The following THSD7B variants were observed in gnomAD, a reference collection of about 807,000 sequenced individuals.
THSD7B encodes thrombospondin type-1 domain-containing protein 7B.
A neutral mutation model predicts 213.6 loss-of-function variants in THSD7B; 138 were observed. That is an observed-to-expected ratio of 0.65 (90% confidence interval 0.56 to 0.74). The LOEUF (loss-of-function observed/expected upper bound fraction) is 0.74. Ranked by LOEUF, THSD7B falls within the 30% of genes least tolerant of loss-of-function variation. The pLI, the probability that THSD7B is intolerant of heterozygous loss-of-function variation, is 0.00. For missense variants in THSD7B, 1,931 were observed against 1,991.5 expected (o/e 0.97, Z 0.58); for synonymous variants, 742 against 687.0 (o/e 1.08, Z -1.25).
intron 2 of THSD7B, among the ~76,000 whole-genome samples, chr2:136,928,337 G>T (rs1684574799): frequency 6.6e-6 from 1 of 152,150 alleles, no homozygotes; most frequent in Non-Finnish European, 1.5e-5. Context: ...TTTCTACTAA[G>T]CACATATGGC....
intron 1 of THSD7B, among the ~76,000 whole-genome samples, chr2:136,850,524 G>A (rs1031450624): frequency 2.0e-5 from 3 of 151,916 alleles, no homozygotes; most frequent in Admixed American, 2.0e-4. Context: ...ACCATTAGCA[G>A]CTTGTAAGAG....
chr2:137,156,915 G>A (rs1679921629), intron 5 of THSD7B, among the ~76,000 whole-genome samples: 1 of 152,162 alleles, frequency 6.6e-6, no homozygotes, highest in South Asian at 2.1e-4. Flanking sequence ...GGGGCTTAGA[G>A]TATCTTCTTA....
rs533947232 is a variant in THSD7B, at chr2:137,079,834, T to C, written c.951-15039T>C. 2.0e-5 allele frequency among the ~76,000 whole-genome samples: 3 copies of C among 152,270 alleles called. No homozygotes were observed. In the South Asian group the frequency reaches 6.2e-4, roughly 32 times the overall value. On this transcript the variant is annotated intron_variant, in intron 3 of 27. Transcript: ENST00000409968. ...GGTGGATACATTTGGCTATTTTGTTTTTTTGTTTGTTTGTTTGTGTTCTGG... is the reference window on the plus strand; with the variant it reads ...GGTGGATACATTTGGCTATTTTGTTCTTTTGTTTGTTTGTTTGTGTTCTGG...
chr2:136,916,351 A>G (rs1273466820), intron 2 of THSD7B, among the ~76,000 whole-genome samples: 3 of 152,192 alleles, frequency 2.0e-5, no homozygotes, highest in Non-Finnish European at 4.4e-5. Context: ...TGGTGGCTTC[A>G]TGAAGCAGAC....
At chr2:137,020,929 A>G (rs1436991771) in intron 2 of THSD7B, among the ~76,000 whole-genome samples, 1 of 152,116 alleles carries the variant, frequency 6.6e-6, no homozygotes, top group Non-Finnish European at 1.5e-5. Flanking sequence ...TTTAAGGAGG[A>G]AGTGTATGTC....
chr2:137,193,147 C>T (rs1167287236), intron 7 of THSD7B, among the ~76,000 whole-genome samples: 1 of 152,108 alleles, frequency 6.6e-6, no homozygotes, highest in East Asian at 1.9e-4. Flanking sequence ...TCTCCACCGT[C>T]CAGTAACCTG....
chr2:137,540,943 C>T (rs182413433), intron 15 of THSD7B, among the ~76,000 whole-genome samples: 88 of 151,754 alleles, frequency 5.8e-4, no homozygotes, highest in Admixed American at 2.2e-3. Context: ...CCTAAGATCT[C>T]ACCTCAGGCA....
rs149563225 is a variant in THSD7B, at chr2:137,098,099, A to G, written c.1199+2978A>G. On this transcript the variant is annotated intron_variant, in intron 4 of 27. Coordinates refer to ENST00000409968, the MANE Select transcript of THSD7B (RefSeq NM_001316349.2). ...ACAAGGGAAAGGAAAATGAAAATCT[A>G]TTAGGGAACAGAAATTCTCGTTTCC... Among the ~76,000 whole-genome samples the G allele has an allele frequency of 6.5e-3, 985 of 152,334 alleles. 12 individuals carry two copies. Among genetic ancestry groups the G allele is most frequent in the African/African-American group, 0.023 (939 of 41,582 alleles).
intron 6 of THSD7B, among the ~76,000 whole-genome samples, chr2:137,163,757 A>C (rs563636036): frequency 3.3e-5 from 5 of 152,346 alleles, no homozygotes; most frequent in African/African-American, 1.2e-4. Context: ...TACACTGCCC[A>C]ACTTTGAATC....
At chr2:137,271,123 G>A (rs1179666148) in intron 10 of THSD7B, among the ~76,000 whole-genome samples, 1 of 151,464 alleles carries the variant, frequency 6.6e-6, no homozygotes, top group African/African-American at 2.4e-5. Flanking sequence ...GATATGGGTA[G>A]GTCTATTATT....
chr2:137,314,111 T>G (rs1446604771), intron 12 of THSD7B, among the ~76,000 whole-genome samples: 4 of 152,234 alleles, frequency 2.6e-5, no homozygotes, highest in Admixed American at 2.6e-4. Context: ...TTTTCCAACT[T>G]GGTTCCATTC....
At chr2:136,782,809 A>G (rs560217658) in intron 1 of THSD7B, among the ~76,000 whole-genome samples, 1 of 152,304 alleles carries the variant, frequency 6.6e-6, no homozygotes, top group Admixed American at 6.5e-5. Context: ...TGCATGTGTT[A>G]ATTAGCTAGA....
At chr2:137,597,804 A>G (rs1389958452) in intron 17 of THSD7B, among the ~76,000 whole-genome samples, 2 of 152,180 alleles carry the variant, frequency 1.3e-5, no homozygotes, top group African/African-American at 2.4e-5. Context: ...TTTAGTGGTT[A>G]CCATTTAATT....
At chr2:137,073,521 C>A (rs531130002) in intron 3 of THSD7B, among the ~76,000 whole-genome samples, 4 of 152,142 alleles carry the variant, frequency 2.6e-5, no homozygotes, top group South Asian at 4.2e-4. Context: ...TTTTGTTGAT[C>A]GTTCAAAAAA....
intron 2 of THSD7B, among the ~76,000 whole-genome samples, chr2:136,920,828 G>T (rs533265737): frequency 1.3e-5 from 2 of 152,128 alleles, no homozygotes; most frequent in South Asian, 2.1e-4. Flanking sequence ...AGAAGGAGCC[G>T]AAGTGGCAGG....
chr2:137,332,924 T>C (rs986066723), intron 12 of THSD7B, among the ~76,000 whole-genome samples: 9 of 152,292 alleles, frequency 5.9e-5, no homozygotes, highest in Non-Finnish European at 7.3e-5. Context: ...ATTACCCAGT[T>C]TGGGGCAGTT....
At chr2:137,102,316 T>A (rs991507573) in intron 4 of THSD7B, among the ~76,000 whole-genome samples, 12 of 151,932 alleles carry the variant, frequency 7.9e-5, no homozygotes, top group African/African-American at 2.9e-4. Context: ...TTAGAAAAAC[T>A]AACAAACAAA....
intron 1 of THSD7B, among the ~76,000 whole-genome samples, chr2:136,772,525 C>A (rs1334266269): frequency 1.3e-5 from 2 of 152,142 alleles, no homozygotes; most frequent in African/African-American, 2.4e-5. Flanking sequence ...CACCATATTT[C>A]TTTGTATTAA....
intron 15 of THSD7B, among the ~76,000 whole-genome samples, chr2:137,454,416 GTCTGTCTGTCTATCTATCTA>G (rs1687719725): frequency 2.4e-5 from 3 of 125,686 alleles, no homozygotes; most frequent in South Asian, 5.1e-4. Context: ...CTGTCTGTCT[GTCTGTCTGTCTATCTATCTA>G]TCTATCTATC....
Sources: gnomAD v4.1 joint callset for allele counts (sites outside exome capture counted in the v4.1 genomes callset) on GRCh38, gnomAD v4.1.1 for gene constraint, MANE v1.5 for transcripts, NCBI Gene and HGNC (gene_info 2026-07-23, HGNC 2026-07-21) for gene names.